The following GRID2 variants were observed in gnomAD, a reference collection of about 807,000 sequenced individuals.
The protein encoded by GRID2 is glutamate receptor ionotropic, delta-2.
A neutral mutation model predicts 114.8 loss-of-function variants in GRID2; 33 were observed. That is an observed-to-expected ratio of 0.29 (90% CI 0.22 to 0.38). The LOEUF (loss-of-function observed/expected upper bound fraction) is 0.38, where lower values mean the gene tolerates loss of function less well. GRID2 is among the 10% of genes least tolerant of loss of function. GRID2 has a pLI of 1.00. For missense variants in GRID2, 1,184 were observed against 1,257.7 expected, an observed-to-expected ratio of 0.94 and a Z score of 0.89; for synonymous variants, 505 against 449.9, an observed-to-expected ratio of 1.12 and a Z score of -1.55.
intron 14 of GRID2, among the ~76,000 whole-genome samples, chr4:93,660,363 G>A (rs1218606081): frequency 6.6e-6 from 1 of 152,118 alleles, no homozygotes; most frequent in Non-Finnish European, 1.5e-5. Flanking sequence ...TATTACAGGT[G>A]CTTGAAGTCA....
At chr4:93,382,190 C>T (rs1295490464) in intron 8 of GRID2, among the ~76,000 whole-genome samples, 1 of 151,902 alleles carries the variant, frequency 6.6e-6, no homozygotes, top group African/African-American at 2.4e-5. Context: ...TCTTTTTTGT[C>T]TTCATCATTT....
intron 2 of GRID2, among the ~76,000 whole-genome samples, chr4:92,645,628 A>G (rs1731574393): frequency 6.6e-6 from 1 of 151,618 alleles, no homozygotes; most frequent in Non-Finnish European, 1.5e-5. Context: ...AAGTTTCTTC[A>G]TGCTCCTATC....
intron 2 of GRID2, among the ~76,000 whole-genome samples, chr4:92,593,549 G>T (rs2149213593): frequency 6.6e-6 from 1 of 151,942 alleles, no homozygotes; most frequent in African/African-American, 2.4e-5. Context: ...TTTCTAGACA[G>T]ATACCTCAGT....
intron 2 of GRID2, among the ~76,000 whole-genome samples, chr4:93,025,869 T>C (rs1310372607): frequency 6.6e-6 from 1 of 151,712 alleles, no homozygotes; most frequent in Non-Finnish European, 1.5e-5. Flanking sequence ...CTGGGCTACC[T>C]CCAAGCTTTC....
At chr4:93,271,059 T>C (rs1395635617) in intron 8 of GRID2, among the ~76,000 whole-genome samples, 1 of 152,210 alleles carries the variant, frequency 6.6e-6, no homozygotes, top group Non-Finnish European at 1.5e-5. Context: ...GGCTACATTA[T>C]ATGATTTGAA....
intron 8 of GRID2, among the ~76,000 whole-genome samples, chr4:93,286,534 C>T (rs888879171): frequency 6.6e-6 from 1 of 152,088 alleles, no homozygotes; most frequent in Non-Finnish European, 1.5e-5. Flanking sequence ...AGCTTCCTTG[C>T]CATAACTTCC....
chr4:92,583,472 A>T (rs1728274370), intron 1 of GRID2, among the ~76,000 whole-genome samples: 1 of 152,006 alleles, frequency 6.6e-6, no homozygotes, highest in Admixed American at 6.6e-5. Flanking sequence ...GAACTGAGAA[A>T]AATATACCTC....
intron 6 of GRID2, among the ~76,000 whole-genome samples, chr4:93,221,043 C>T (rs1246714931): frequency 6.6e-6 from 1 of 152,142 alleles, no homozygotes; most frequent in African/African-American, 2.4e-5. Flanking sequence ...GACAGCTGTT[C>T]AGATCCCTTA....
At chr4:92,343,789 G>C (rs1217795764) in intron 1 of GRID2, among the ~76,000 whole-genome samples, 1 of 152,168 alleles carries the variant, frequency 6.6e-6, no homozygotes, top group Non-Finnish European at 1.5e-5. Context: ...GGCCAGTCTG[G>C]TCTTGAACTC....
chr4:93,210,129 T>G (rs1743282395), intron 5 of GRID2, among the ~76,000 whole-genome samples: 1 of 152,116 alleles, frequency 6.6e-6, no homozygotes, highest in Non-Finnish European at 1.5e-5. Flanking sequence ...GATTTTTGCT[T>G]TTGTTGCAAT....
intron 1 of GRID2, among the ~76,000 whole-genome samples, chr4:92,502,778 G>A (rs566308032): frequency 5.9e-5 from 8 of 136,328 alleles, no homozygotes; most frequent in African/African-American, 1.7e-4. Flanking sequence ...AGTGCAGTGC[G>A]GCAATCTCAG....
chr4:93,684,781 T>G (rs1484008592), intron 14 of GRID2, among the ~76,000 whole-genome samples: 1 of 152,070 alleles, frequency 6.6e-6, no homozygotes. Context: ...CTTGCTAAAC[T>G]GACTTAGCAC....
At chr4:93,381,639 A>T (rs1763863828) in intron 8 of GRID2, among the ~76,000 whole-genome samples, 1 of 152,106 alleles carries the variant, frequency 6.6e-6, no homozygotes, top group South Asian at 2.1e-4. Flanking sequence ...ATGCCAGTTT[A>T]ACTCCAATAA....
intron 2 of GRID2, among the ~76,000 whole-genome samples, chr4:92,993,654 C>T (rs1755037232): frequency 6.6e-6 from 1 of 152,176 alleles, no homozygotes. Flanking sequence ...AAGAAAATGA[C>T]TGACCCATTG....
chr4:93,128,865 G>A (rs1049009426), intron 4 of GRID2, among the ~76,000 whole-genome samples: 3 of 152,132 alleles, frequency 2.0e-5, no homozygotes, highest in African/African-American at 7.2e-5. Context: ...AAGAGACTCC[G>A]AATTTGATGA....
intron 1 of GRID2, among the ~76,000 whole-genome samples, chr4:92,431,895 T>C (rs1038038819): frequency 6.6e-6 from 1 of 152,256 alleles, no homozygotes; most frequent in African/African-American, 2.4e-5. Context: ...AATAGTCAAA[T>C]AGAATTGCAT....
chr4:92,958,152 T>C (rs894871705), intron 2 of GRID2, among the ~76,000 whole-genome samples: 1 of 152,074 alleles, frequency 6.6e-6, no homozygotes, highest in African/African-American at 2.4e-5. Flanking sequence ...TTTCTCTTTG[T>C]ATAATTGTGC....
At chr4:93,189,773 C>CCACA (rs34137840) in intron 4 of GRID2, among the ~76,000 whole-genome samples, 2,526 of 138,932 alleles carry the variant, frequency 0.018, 26 homozygotes, top group East Asian at 0.032. Context: ...CCACACCACA[C>CCACA]CACACACACA....
At chr4:92,944,096 C>T (rs1005250163) in intron 2 of GRID2, among the ~76,000 whole-genome samples, 1 of 152,212 alleles carries the variant, frequency 6.6e-6, no homozygotes, top group Admixed American at 6.5e-5. Flanking sequence ...GGAACCACTA[C>T]TCTCTTCAAA....
Sources: gnomAD v4.1 joint callset for allele counts (sites outside exome capture counted in the v4.1 genomes callset) on GRCh38, gnomAD v4.1.1 for gene constraint, MANE v1.5 for transcripts, NCBI Gene and HGNC (gene_info 2026-07-23, HGNC 2026-07-21) for gene names.